The following ADIPOR2 variants were observed in gnomAD, a reference collection of about 807,000 sequenced individuals.
The protein encoded by ADIPOR2 is adiponectin receptor protein 2.
Under a neutral mutation model 40.9 loss-of-function variants are expected in ADIPOR2, and 18 were observed. The observed-to-expected ratio is 0.44, with a 90% confidence interval of 0.30 to 0.65. The LOEUF is 0.65. Ranked by LOEUF, ADIPOR2 falls within the 30% of genes least tolerant of loss-of-function variation. ADIPOR2 has a pLI of 0.09. For synonymous variants in ADIPOR2, 165 were observed against 166.4 expected, an observed-to-expected ratio of 0.99 and a Z score of 0.06; for missense variants, 283 against 479.2, an observed-to-expected ratio of 0.59 and a Z score of 3.82.
chr12:1,777,089 A>C (rs1311891301), intron 3 of ADIPOR2, among the ~76,000 whole-genome samples: 1 of 152,158 alleles, frequency 6.6e-6, no homozygotes, highest in Non-Finnish European at 1.5e-5. Context: ...AGTAAGATGG[A>C]GGGAGAGATT....
At chr12:1,762,863 G>A (rs536019834) in intron 2 of ADIPOR2, among the ~76,000 whole-genome samples, 2 of 152,246 alleles carry the variant, frequency 1.3e-5, no homozygotes, top group African/African-American at 2.4e-5. Context: ...AAGGGGCAGG[G>A]TTTTCTTTTC....
chr12:1,779,317 C>T (rs1481710431), intron 4 of ADIPOR2, among the ~76,000 whole-genome samples: 1 of 152,210 alleles, frequency 6.6e-6, no homozygotes, highest in East Asian at 1.9e-4. Flanking sequence ...TGTATTCATA[C>T]ACTGGAGTAT....
chr12:1,779,498 G>A (rs1380631464), intron 4 of ADIPOR2, among the ~76,000 whole-genome samples: 1 of 152,152 alleles, frequency 6.6e-6, no homozygotes, highest in Non-Finnish European at 1.5e-5. Context: ...ATTAGTGGTT[G>A]TTTAGGGCTG....
chr12:1,698,952 A>G (rs191207181), intron 1 of ADIPOR2, among the ~76,000 whole-genome samples: 26 of 152,314 alleles, frequency 1.7e-4, no homozygotes, highest in Admixed American at 1.0e-3. Context: ...CTTTGTTTCA[A>G]TAGCATTCTT....
At chr12:1,777,529 G>C (rs1167076056) in intron 3 of ADIPOR2, among the ~76,000 whole-genome samples, 3 of 151,728 alleles carry the variant, frequency 2.0e-5, no homozygotes, top group Non-Finnish European at 4.4e-5. Context: ...TGGGATTACA[G>C]GCATGTGCCA....
At chr12:1,778,813 CCTA>C (rs1428450739) in intron 4 of ADIPOR2, among the ~76,000 whole-genome samples, 2 of 152,084 alleles carry the variant, frequency 1.3e-5, no homozygotes, top group Admixed American at 6.5e-5. Flanking sequence ...ATAAATAACT[CCTA>C]CAACTCAACA....
rs1862830457 is a variant in ADIPOR2, at chr12:1,786,193, T to C, written c.*121T>C. The C allele has an allele frequency of 7.3e-7, 1 of 1,360,658 alleles. No individual in the cohort carries two copies. 84.3% of individuals were successfully genotyped at this position (1,360,658 alleles called of 1,614,324 possible). Reference sequence around the variant, plus strand: ...CAAAACTTTGACAGCCTCGTGGGCTTTGTGACGGCCCAGTGGCTCTGCGTG... The same window carrying C: ...CAAAACTTTGACAGCCTCGTGGGCTCTGTGACGGCCCAGTGGCTCTGCGTG... On this transcript the variant is annotated 3_prime_UTR_variant, in exon 8 of 8. Transcript: ENST00000357103.
At chr12:1,717,575 C>T (rs1252807920) in intron 1 of ADIPOR2, among the ~76,000 whole-genome samples, 1 of 152,048 alleles carries the variant, frequency 6.6e-6, no homozygotes, top group Non-Finnish European at 1.5e-5. Flanking sequence ...CGTGGTGGCA[C>T]ATGCCTGTAA....
At chr12:1,692,778 TTTTG>T (rs2094629836) in intron 1 of ADIPOR2, among the ~76,000 whole-genome samples, 1 of 152,114 alleles carries the variant, frequency 6.6e-6, no homozygotes, top group South Asian at 2.1e-4. Context: ...ATGAAAATAA[TTTTG>T]TTTTATTCTT....
At chr12:1,748,518 G>A (rs893726542) in intron 1 of ADIPOR2, among the ~76,000 whole-genome samples, 5 of 152,078 alleles carry the variant, frequency 3.3e-5, no homozygotes, top group Admixed American at 6.5e-5. Flanking sequence ...AAAGTGCTGG[G>A]ATTACAGGCG....
chr12:1,717,428 C>T (rs376793977), intron 1 of ADIPOR2, among the ~76,000 whole-genome samples: 8 of 152,054 alleles, frequency 5.3e-5, no homozygotes, highest in African/African-American at 1.7e-4. Context: ...ACTGAGCCAC[C>T]GGGCACGGAG....
At chr12:1,775,740 T>A (rs1862577507) in intron 3 of ADIPOR2, among the ~76,000 whole-genome samples, 1 of 152,184 alleles carries the variant, frequency 6.6e-6, no homozygotes, top group Non-Finnish European at 1.5e-5. Flanking sequence ...TTTCCCAAAT[T>A]CAAATTTGAT....
intron 1 of ADIPOR2, among the ~76,000 whole-genome samples, chr12:1,723,463 G>GA (rs58233234): frequency 0.013 from 1,388 of 106,100 alleles, 28 homozygotes; most frequent in African/African-American, 0.049. Flanking sequence ...CGTCTCTACT[G>GA]AAAAAAAAAA....
chr12:1,705,012 G>A (rs969854882), intron 1 of ADIPOR2, among the ~76,000 whole-genome samples: 10 of 152,186 alleles, frequency 6.6e-5, no homozygotes, highest in African/African-American at 2.4e-4. Context: ...GCATTATAAA[G>A]CAAAACAAAC....
At chr12:1,733,614 ATTTATTT>A (rs1192551877) in intron 1 of ADIPOR2, among the ~76,000 whole-genome samples, 1 of 151,920 alleles carries the variant, frequency 6.6e-6, no homozygotes, top group East Asian at 1.9e-4. Context: ...TTATTTATTT[ATTTATTT>A]TTTATTCTAA....
chr12:1,773,612 A>G (rs1489180087), intron 3 of ADIPOR2, among the ~76,000 whole-genome samples: 2 of 151,742 alleles, frequency 1.3e-5, no homozygotes, highest in Middle Eastern at 3.4e-3. Context: ...TACTTGATCA[A>G]TCAGATCAAT....
intron 1 of ADIPOR2, among the ~76,000 whole-genome samples, chr12:1,740,333 T>C (rs893879760): frequency 1.3e-5 from 2 of 152,210 alleles, no homozygotes; most frequent in Non-Finnish European, 2.9e-5. Flanking sequence ...TTCTGGAGGC[T>C]AGAGTTTCAA....
chr12:1,692,593 C>T (rs770394049), intron 1 of ADIPOR2, among the ~76,000 whole-genome samples: 8 of 152,118 alleles, frequency 5.3e-5, no homozygotes, highest in Non-Finnish European at 1.2e-4. Context: ...TTCCTCTTTT[C>T]ACTTGACACT....
Position 1,695,028 on chromosome 12 carries a change from GT to G in ADIPOR2, c.-87+3841del, listed in dbSNP as rs201926366. ...GTGTTGCAGTTTTTTTTTTTTTTTT[GT>G]TTTGTTTTTTTAAGATCTCACTCTG... On this transcript the variant is annotated intron_variant, in intron 1 of 7. Coordinates refer to ENST00000357103, the MANE Select transcript of ADIPOR2 (RefSeq NM_024551.3). 2.3e-3 allele frequency among the ~76,000 whole-genome samples: 197 copies of G among 86,264 alleles called. 1 individual carries two copies. Among genetic ancestry groups the G allele is most frequent in the Admixed American group, 0.011 (81 of 7,378 alleles). 56.6% of individuals were successfully genotyped at this position (86,264 alleles called of 152,430 possible).
Sources: gnomAD v4.1 joint callset for allele counts (sites outside exome capture counted in the v4.1 genomes callset) on GRCh38, gnomAD v4.1.1 for gene constraint, MANE v1.5 for transcripts, NCBI Gene and HGNC (gene_info 2026-07-23, HGNC 2026-07-21) for gene names.